The following LINGO2 variants were observed in gnomAD, a reference collection of about 807,000 sequenced individuals.
The protein encoded by LINGO2 is leucine-rich repeat and immunoglobulin-like domain-containing nogo receptor-interacting protein 2.
Under a neutral mutation model 30.6 loss-of-function variants are expected in LINGO2, and 14 were observed. That is an observed-to-expected ratio of 0.46 (90% CI 0.30 to 0.72). The LOEUF (loss-of-function observed/expected upper bound fraction) is 0.72. LINGO2 is among the 30% of genes least tolerant of loss of function. LINGO2 has a pLI of 0.07. For missense variants in LINGO2, 729 were observed against 751.7 expected (o/e 0.97, Z 0.35); for synonymous variants, 317 against 288.5 (o/e 1.10, Z -1.00).
chr9:28,660,641 G>A (rs12351421), intron 1 of LINGO2, among the ~76,000 whole-genome samples: 25,866 of 151,888 alleles, frequency 0.17, 3,386 homozygotes, highest in African/African-American at 0.36. Flanking sequence ...CAGAGAAAGG[G>A]ATTGGATTAA....
At chr9:28,091,009 G>C (rs954778067) in intron 4 of LINGO2, among the ~76,000 whole-genome samples, 15 of 152,158 alleles carry the variant, frequency 9.9e-5, no homozygotes, top group African/African-American at 3.6e-4. Context: ...ACTTACAAGG[G>C]ATATGAAGGA....
Position 28,457,708 on chromosome 9 carries a change from G to A in LINGO2, c.-279+18232C>T, listed in dbSNP as rs143946831. Among the ~76,000 whole-genome samples, 180 of 152,222 alleles carry A rather than the reference G, an allele frequency of 1.2e-3. 1 individual carries two copies. In the East Asian group the frequency reaches 0.033, roughly 28 times the overall value. On this transcript the variant is annotated intron_variant, in intron 2 of 5. Transcript: ENST00000379992. ...AGCCTCCCAAGTAGCTGGAATTATA[G>A]GTATGAGTCACTGTGCTGCATGGAA...
Position 28,027,124 on chromosome 9 carries a change from A to G in LINGO2, c.-86-14719T>C, listed in dbSNP as rs147757526. Among the ~76,000 whole-genome samples the G allele has an allele frequency of 1.7e-3, 258 of 152,308 alleles. 1 individual carries two copies. Among genetic ancestry groups the G allele is most frequent in the African/African-American group, 5.9e-3 (245 of 41,582 alleles). The stretch of plus-strand genomic sequence containing the variant: ...AAACAGATGAAAGTCACTGAACACT[A>G]TATTTTGCCTCTTGTATAACAGTAA... On this transcript the variant is annotated intron_variant, in intron 4 of 5. Coordinates refer to ENST00000379992, the Ensembl canonical transcript of LINGO2.
intron 4 of LINGO2, among the ~76,000 whole-genome samples, chr9:28,262,013 A>G (rs545985939): frequency 6.6e-6 from 1 of 152,004 alleles, no homozygotes; most frequent in African/African-American, 2.4e-5. Context: ...TGAATTATAT[A>G]TTAAATAAGT....
intron 3 of LINGO2, among the ~76,000 whole-genome samples, chr9:28,304,847 T>G (rs754273961): frequency 3.9e-5 from 6 of 151,910 alleles, no homozygotes; most frequent in Admixed American, 6.6e-5. Context: ...AAATAAAGCA[T>G]GAAAAACAAA....
downstream of LINGO2, among the ~76,000 whole-genome samples, chr9:27,945,805 C>G (rs541832423): frequency 2.6e-5 from 4 of 152,188 alleles, no homozygotes; most frequent in African/African-American, 7.2e-5. Flanking sequence ...AAAAAGAACC[C>G]AAGATCTGCT....
At chr9:27,965,552 C>T (rs1318829355) in intron 5 of LINGO2, among the ~76,000 whole-genome samples, 1 of 151,908 alleles carries the variant, frequency 6.6e-6, no homozygotes, top group Admixed American at 6.6e-5. Context: ...TCTTGTATTC[C>T]AGCGACTAGT....
intron 4 of LINGO2, among the ~76,000 whole-genome samples, chr9:28,198,440 C>T (rs896657643): frequency 6.6e-6 from 1 of 152,070 alleles, no homozygotes; most frequent in Non-Finnish European, 1.5e-5. Flanking sequence ...GCAACAGAAG[C>T]CAATTTACTT....
intron 1 of LINGO2, among the ~76,000 whole-genome samples, chr9:28,545,791 C>T (rs1188978592): frequency 6.6e-5 from 10 of 151,836 alleles, no homozygotes. Context: ...GTATATTGTG[C>T]CTTTGGAAAA....
At chr9:29,195,746 C>A in the LINGO2 span, among the ~76,000 whole-genome samples, 4 of 152,124 alleles carry the variant, frequency 2.6e-5, no homozygotes, top group Admixed American at 2.6e-4. Flanking sequence ...TCTGGACATA[C>A]TTTATGACGA....
chr9:29,050,566 A>G, the LINGO2 span, among the ~76,000 whole-genome samples: 1 of 152,224 alleles, frequency 6.6e-6, no homozygotes, highest in Non-Finnish European at 1.5e-5. Context: ...CAAAAGAAGC[A>G]TGTATGCATA....
At chr9:28,487,071 G>A (rs1452966757) in intron 1 of LINGO2, among the ~76,000 whole-genome samples, 1 of 152,052 alleles carries the variant, frequency 6.6e-6, no homozygotes, top group Non-Finnish European at 1.5e-5. Flanking sequence ...AGAAAAAGTG[G>A]AGCTCTGCTT....
intron 2 of LINGO2, among the ~76,000 whole-genome samples, chr9:28,414,182 C>T (rs1405074825): frequency 1.3e-5 from 2 of 151,912 alleles, no homozygotes; most frequent in African/African-American, 4.8e-5. Context: ...ATAAGACTTT[C>T]AGAACTTTAC....
At chr9:29,016,572 A>G in the LINGO2 span, among the ~76,000 whole-genome samples, 1 of 152,214 alleles carries the variant, frequency 6.6e-6, no homozygotes, top group Non-Finnish European at 1.5e-5. Context: ...AAAAGAGAAA[A>G]TAAACAAGTA....
the LINGO2 span, among the ~76,000 whole-genome samples, chr9:28,861,825 T>C: frequency 1.3e-5 from 2 of 151,856 alleles, no homozygotes; most frequent in African/African-American, 4.8e-5. Flanking sequence ...GTATTTATCT[T>C]AAAAATAAAA....
chr9:27,956,763 C>G (rs1048616577), intron 5 of LINGO2, among the ~76,000 whole-genome samples: 9 of 152,036 alleles, frequency 5.9e-5, no homozygotes, highest in Non-Finnish European at 1.3e-4. Flanking sequence ...CCTCCTACAG[C>G]TATCTAGTTT....
intron 1 of LINGO2, among the ~76,000 whole-genome samples, chr9:28,586,671 G>A (rs1227680473): frequency 1.3e-5 from 2 of 151,824 alleles, no homozygotes; most frequent in African/African-American, 4.8e-5. Context: ...TTCTGTGTTT[G>A]GAATTCAGGA....
At chr9:29,117,204 C>T in the LINGO2 span, among the ~76,000 whole-genome samples, 2 of 151,970 alleles carry the variant, frequency 1.3e-5, no homozygotes, top group African/African-American at 4.8e-5. Flanking sequence ...TCAGGTAAAA[C>T]CTATTAGAAG....
chr9:28,504,829 T>C (rs1820041713), intron 1 of LINGO2, among the ~76,000 whole-genome samples: 1 of 151,884 alleles, frequency 6.6e-6, no homozygotes, highest in African/African-American at 2.4e-5. Flanking sequence ...ATATGCTTTT[T>C]GGTAAAACAG....
Sources: gnomAD v4.1 joint callset for allele counts (sites outside exome capture counted in the v4.1 genomes callset) on GRCh38, gnomAD v4.1.1 for gene constraint, MANE v1.5 for transcripts, NCBI Gene and HGNC (gene_info 2026-07-23, HGNC 2026-07-21) for gene names.